CLN6: variants seen among roughly 807,000 people sequenced by gnomAD.
CLN6 encodes ceroid-lipofuscinosis neuronal protein 6.
Under a neutral mutation model 33.3 loss-of-function variants are expected in CLN6, and 22 were observed. The observed-to-expected ratio is 0.66, with a 90% confidence interval of 0.47 to 0.94. The LOEUF is 0.94. Ranked by LOEUF, CLN6 falls within the 40% of genes least tolerant of loss-of-function variation. The pLI, the probability that CLN6 is intolerant of heterozygous loss-of-function variation, is 0.00. For synonymous variants in CLN6, 201 were observed against 174.6 expected, an observed-to-expected ratio of 1.15 and a Z score of -1.19; for missense variants, 387 against 417.1, an observed-to-expected ratio of 0.93 and a Z score of 0.63.
At position 68,229,637 on chromosome 15, in the gene CLN6, G is replaced by A. The variant is rs1210451412; in HGVS notation, c.-53C>T. On this transcript the variant is annotated 5_prime_UTR_variant, in exon 1 of 7. Transcript: ENST00000249806. ...CCTTTCCGAGGAAGAGACCGGTTCA[G>A]CTCGGCTGCCCCGGCGGAGGCCGCC... is the stretch of plus-strand genomic sequence containing the variant. The A allele has an allele frequency of 2.9e-6, 4 of 1,374,166 alleles. No individual in the cohort carries two copies. In the African/African-American group the frequency reaches 4.6e-5, roughly 16 times the overall value. 85.1% of individuals were successfully genotyped at this position (1,374,166 alleles called of 1,614,324 possible).
intron 1 of CLN6, among the ~76,000 whole-genome samples, chr15:68,255,684 T>C (rs1035495802): frequency 2.6e-5 from 4 of 152,218 alleles, no homozygotes; most frequent in African/African-American, 9.6e-5. Context: ...TTATGGAGAG[T>C]ATCTTTAATA....
intron 3 of CLN6, chr15:68,212,402 C>A: frequency 6.3e-6 from 1 of 159,862 alleles, no homozygotes; most frequent in Admixed American, 6.0e-5. Context: ...TATCTTTCTT[C>A]AATACAAAAT....
intron 1 of CLN6, among the ~76,000 whole-genome samples, chr15:68,240,985 CA>C (rs35820727): frequency 4.4e-4 from 28 of 63,326 alleles, no homozygotes; most frequent in Admixed American, 7.6e-4. Context: ...CTCCATCTCC[CA>C]AAAAAAAAAA....
At chr15:68,255,422 G>A (rs186961867) in intron 1 of CLN6, among the ~76,000 whole-genome samples, 3 of 152,312 alleles carry the variant, frequency 2.0e-5, no homozygotes, top group East Asian at 3.9e-4. Context: ...TGGATCTTCA[G>A]ATAAATTCTG....
chr15:68,214,830 T>A (rs1280282339), intron 2 of CLN6: 1 of 261,286 alleles, frequency 3.8e-6, no homozygotes, highest in Non-Finnish European at 7.6e-6. Context: ...CCAGAGGGCC[T>A]ACTTGGACCG....
At position 68,214,332 on chromosome 15, in the gene CLN6, G is replaced by C. The variant is rs545955828; in HGVS notation, c.255C>G (p.Phe85Leu). 9.3e-6 allele frequency: 15 copies of C among 1,614,142 alleles called. No homozygotes were observed. Among genetic ancestry groups the C allele is most frequent in the East Asian group, 8.9e-5 (4 of 44,880 alleles). The stretch of plus-strand genomic sequence containing the variant: ...GCGTGATGACGTTGTAGGCCATGTG[G>C]AAGTAGTCCCCAACACTGGGCTTGT... ...PLNKPSVGDY[F>L]HMAYNVITPF... The change falls in exon 3 of 7, where the codon TTC becomes TTG. Residue 85 changes from phenylalanine (F) to leucine (L), a missense_variant. Phe to Leu is a conservative substitution (Grantham distance 22). Coordinates refer to ENST00000249806, the MANE Select transcript of CLN6 (RefSeq NM_017882.3).
chr15:68,218,505 G>A (rs367865624), intron 2 of CLN6, 31 bp downstream of exon 2: 2 of 1,505,978 alleles, frequency 1.3e-6, no homozygotes, highest in Non-Finnish European at 1.8e-6. Flanking sequence ...CTCAGTGCTG[G>A]TCAGAGCCCT....
At chr15:68,229,394 G>T (rs1162238792) in intron 1 of CLN6, 108 bp downstream of exon 1, 1 of 865,264 alleles carries the variant, frequency 1.2e-6, no homozygotes, top group Non-Finnish European at 1.6e-6. Flanking sequence ...CCCGGCCAGC[G>T]CCGCACACGA....
intron 1 of CLN6, among the ~76,000 whole-genome samples, chr15:68,243,170 G>A (rs1892293683): frequency 6.6e-6 from 1 of 152,204 alleles, no homozygotes; most frequent in Admixed American, 6.5e-5. Context: ...GAACAAAACT[G>A]AAGGTTTAAG....
At chr15:68,230,818 G>A (rs956953100), upstream of CLN6, among the ~76,000 whole-genome samples, 1 of 152,064 alleles carries the variant, frequency 6.6e-6, no homozygotes, top group African/African-American at 2.4e-5. The surrounding 1 kb of genome is among the most constrained non-coding windows in gnomAD (Gnocchi z 4.0). Context: ...TCCTCCCCAC[G>A]GTCACTGTCA....
chr15:68,211,647 A>G lies in CLN6; in HGVS notation c.486+28T>C. ...AGGACAGACTGTGCTCCTAGGGCTT[A>G]CAGGCAGGGAGCAGGAGGTGGCCTC... On this transcript the variant is annotated intron_variant, in intron 4 of 6. Coordinates refer to ENST00000249806, the MANE Select transcript of CLN6 (RefSeq NM_017882.3). The surrounding 1 kb of genome is among the most constrained non-coding windows in gnomAD (Gnocchi z 5.9). 2 of 1,612,358 alleles carry G rather than the reference A, an allele frequency of 1.2e-6. No individual in the cohort carries two copies. The highest frequency in any genetic ancestry group is 8.5e-7 in the Non-Finnish European group (1 of 1,179,984).
At position 68,211,329 on chromosome 15, in the gene CLN6, A is replaced by G; in HGVS notation, c.487-11T>C. On this transcript the variant is annotated splice_polypyrimidine_tract_variant and intron_variant, in intron 4 of 6. Transcript: ENST00000249806. The surrounding 1 kb of genome is among the most constrained non-coding windows in gnomAD (Gnocchi z 5.9). ...CTCAAAGGAGTCGATCTGAGGGAGGAACGGGCAGGGCAGAGTCGGGGGATG... is the reference window on the plus strand; with the variant it reads ...CTCAAAGGAGTCGATCTGAGGGAGGGACGGGCAGGGCAGAGTCGGGGGATG... 1 of 1,613,826 alleles carries G rather than the reference A, an allele frequency of 6.2e-7. No homozygotes were observed. Among genetic ancestry groups the G allele is most frequent in the Non-Finnish European group, 8.5e-7 (1 of 1,179,970 alleles).
At position 68,242,502 on chromosome 15, in the gene CLN6, C is replaced by T. The variant is rs1892288527; in HGVS notation, c.179+14188G>A. Among the ~76,000 whole-genome samples the T allele has an allele frequency of 6.6e-6, 1 of 151,666 alleles. No individual in the cohort carries two copies. Among genetic ancestry groups the T allele is most frequent in the South Asian group, 2.1e-4 (1 of 4,814 alleles). On this transcript the variant is annotated intron_variant, in intron 1 of 6. Coordinates refer to the CLN6 transcript ENST00000538696. The surrounding 1 kb of genome is among the most constrained non-coding windows in gnomAD (Gnocchi z 5.0). Reference sequence around the variant, plus strand: ...GGGAGTTGAGCAAGAACAAGGGGTACAGAACTTACTTAAATAAATAATAAG... The same window carrying T: ...GGGAGTTGAGCAAGAACAAGGGGTATAGAACTTACTTAAATAAATAATAAG...
At chr15:68,239,936 T>C (rs1306885966) in intron 1 of CLN6, among the ~76,000 whole-genome samples, 5 of 152,276 alleles carry the variant, frequency 3.3e-5, no homozygotes, top group Non-Finnish European at 2.9e-5. Flanking sequence ...GCAACCAAAT[T>C]AGAAGTGCAT....
chr15:68,218,409 C>T, intron 2 of CLN6, 127 bp downstream of exon 2: 1 of 755,772 alleles, frequency 1.3e-6, no homozygotes, highest in Non-Finnish European at 2.4e-6. Flanking sequence ...TGAAGGCATC[C>T]AGGCCTATTC....
upstream of CLN6, among the ~76,000 whole-genome samples, chr15:68,231,822 G>A (rs2093269057): frequency 6.6e-6 from 1 of 152,230 alleles, no homozygotes; most frequent in South Asian, 2.1e-4. Flanking sequence ...AATTCTCCCT[G>A]TCCGGTGGGA....
intron 1 of CLN6, among the ~76,000 whole-genome samples, chr15:68,235,483 T>C (rs940622439): frequency 6.6e-5 from 10 of 151,392 alleles, no homozygotes; most frequent in Non-Finnish European, 1.3e-4. Context: ...AGCAGGAGAA[T>C]CACTTGAACC....
rs544575424 is a variant in CLN6, at chr15:68,256,665, C to T, written c.179+25G>A. The T allele has an allele frequency of 1.6e-6, 1 of 630,670 alleles. No individual in the cohort carries two copies. Among genetic ancestry groups the T allele is most frequent in the African/African-American group, 1.8e-5 (1 of 54,800 alleles). 39.1% of individuals were successfully genotyped at this position (630,670 alleles called of 1,614,324 possible). A position where few individuals can be genotyped will look rare whatever the true frequency, so the allele number is the denominator to read the frequency against. On this transcript the variant is annotated intron_variant, in intron 1 of 6. Coordinates refer to the CLN6 transcript ENST00000538696. The surrounding 1 kb of genome is among the most constrained non-coding windows in gnomAD (Gnocchi z 4.1). The stretch of plus-strand genomic sequence containing the variant: ...AGGGCTTCGCCCTTGGTTTAATGCG[C>T]TGCTCTCATTGCCTTGAAACTTACT...
chr15:68,214,614 C>T (rs1172059561), intron 2 of CLN6: 9 of 517,234 alleles, frequency 1.7e-5, no homozygotes, highest in Non-Finnish European at 3.2e-5. Flanking sequence ...GACTTGTCCC[C>T]AGACACAGAG....
Sources: allele counts gnomAD v4.1 joint callset (sites outside exome capture counted in the v4.1 genomes callset), GRCh38; gene constraint gnomAD v4.1.1; non-coding constraint Gnocchi (gnomAD v3.1); transcripts MANE v1.5; gene names NCBI Gene and HGNC (gene_info 2026-07-23, HGNC 2026-07-21).